ATG10: variants seen among roughly 807,000 people sequenced by gnomAD.
ATG10 encodes the protein autophagy related 10.
Under a neutral mutation model 32.1 loss-of-function variants are expected in ATG10, and 30 were observed. The ratio of observed to expected loss-of-function variants is 0.94; its 90% CI spans 0.70 to 1.27. The LOEUF is 1.27. ATG10 is among the 50% of genes most tolerant of loss of function. ATG10 has a pLI of 0.00. For synonymous variants in ATG10, 87 were observed against 91.5 expected (o/e 0.95, Z 0.28); for missense variants, 233 against 262.3 (o/e 0.89, Z 0.77).
At chr5:81,990,235 A>C (rs1459536400) in intron 2 of ATG10, among the ~76,000 whole-genome samples, 2 of 152,160 alleles carry the variant, frequency 1.3e-5, no homozygotes, top group African/African-American at 4.8e-5. Context: ...TTGGTTGTTT[A>C]TTCATTGAAT....
At chr5:81,999,436 A>G (rs1025105426) in intron 2 of ATG10, among the ~76,000 whole-genome samples, 3 of 152,126 alleles carry the variant, frequency 2.0e-5, no homozygotes, top group African/African-American at 7.2e-5. Context: ...AGTTAGAAAG[A>G]TCTCAAATAA....
At chr5:82,192,715 T>G (rs1229624802) in intron 5 of ATG10, among the ~76,000 whole-genome samples, 2 of 152,206 alleles carry the variant, frequency 1.3e-5, no homozygotes, top group African/African-American at 2.4e-5. Context: ...TTATTATCAT[T>G]AATCCATAAA....
In ATG10 at chr5:82,201,943, G is replaced by A. The variant is rs150872717; in HGVS notation, c.453+23356G>A. Among the ~76,000 whole-genome samples, 117 of 152,126 alleles carry A rather than the reference G, an allele frequency of 7.7e-4. 1 individual carries two copies. Among genetic ancestry groups the A allele is most frequent in the African/African-American group, 2.6e-3 (109 of 41,510 alleles). Reference sequence around the variant, plus strand: ...TTCAAATTCTAGTTGTTTATTGCTCGTATATAGAAATACAATTAATTTTTG... The same window carrying A: ...TTCAAATTCTAGTTGTTTATTGCTCATATATAGAAATACAATTAATTTTTG... On this transcript the variant is annotated intron_variant, in intron 5 of 7. Coordinates refer to ENST00000282185, the MANE Select transcript of ATG10 (RefSeq NM_031482.5).
At chr5:82,204,253 A>G (rs1239930988) in intron 5 of ATG10, among the ~76,000 whole-genome samples, 1 of 152,162 alleles carries the variant, frequency 6.6e-6, no homozygotes, top group African/African-American at 2.4e-5. Flanking sequence ...TTTTATTCTT[A>G]TACATTGATT....
At chr5:82,216,462 T>C (rs1745683578) in intron 5 of ATG10, among the ~76,000 whole-genome samples, 1 of 152,258 alleles carries the variant, frequency 6.6e-6, no homozygotes, top group Non-Finnish European at 1.5e-5. Flanking sequence ...TGGATTTTGA[T>C]GTTCTGATAT....
intron 5 of ATG10, among the ~76,000 whole-genome samples, chr5:82,213,027 A>AT (rs1745551660): frequency 6.6e-6 from 1 of 152,130 alleles, no homozygotes; most frequent in South Asian, 2.1e-4. Flanking sequence ...AATAGGATTG[A>AT]TTTTTTTCCT....
At chr5:82,010,987 T>C (rs553084225) in intron 2 of ATG10, among the ~76,000 whole-genome samples, 3 of 152,238 alleles carry the variant, frequency 2.0e-5, no homozygotes, top group Admixed American at 6.5e-5. Context: ...CTTGTCCAAC[T>C]TGGAGCTAAA....
At chr5:82,016,956 C>T (rs1762303667) in intron 2 of ATG10, among the ~76,000 whole-genome samples, 1 of 152,130 alleles carries the variant, frequency 6.6e-6, no homozygotes, top group African/African-American at 2.4e-5. Context: ...TCCCACAGTG[C>T]CTGGATTACA....
At chr5:82,015,694 T>C (rs1463711783) in intron 2 of ATG10, among the ~76,000 whole-genome samples, 1 of 152,240 alleles carries the variant, frequency 6.6e-6, no homozygotes, top group Non-Finnish European at 1.5e-5. Flanking sequence ...ATTTAAGTAC[T>C]TCTCTACATT....
intron 5 of ATG10, among the ~76,000 whole-genome samples, chr5:82,212,302 C>T (rs1745525128): frequency 6.6e-6 from 1 of 152,188 alleles, no homozygotes; most frequent in Admixed American, 6.5e-5. Flanking sequence ...TGCCAGCTCC[C>T]TCCCTTGTGC....
At chr5:82,125,656 A>G (rs1052103861) in intron 3 of ATG10, among the ~76,000 whole-genome samples, 2 of 152,172 alleles carry the variant, frequency 1.3e-5, no homozygotes, top group African/African-American at 4.8e-5. Flanking sequence ...TACAAGTACC[A>G]TACTGTTGTA....
rs554799407 is a variant in ATG10, at chr5:82,052,855, C to T, written c.109-5640C>T. On this transcript the variant is annotated intron_variant, in intron 2 of 7. Transcript: ENST00000282185. The stretch of plus-strand genomic sequence containing the variant: ...GTTACATACTATCCCATTATTTGGA[C>T]ATAAAATAATTTATTTAGCCAATCT... 1.1e-3 allele frequency among the ~76,000 whole-genome samples: 174 copies of T among 152,222 alleles called. 2 individuals are homozygous for T. The highest frequency in any genetic ancestry group is 2.3e-3 in the Admixed American group (35 of 15,272).
At chr5:82,093,533 G>T (rs1413205309) in intron 3 of ATG10, among the ~76,000 whole-genome samples, 2 of 152,036 alleles carry the variant, frequency 1.3e-5, no homozygotes, top group African/African-American at 4.8e-5. Flanking sequence ...GTCAAATCTG[G>T]TCTACCACCT....
At chr5:82,128,772 T>TC (rs1766388099) in intron 3 of ATG10, among the ~76,000 whole-genome samples, 1 of 149,018 alleles carries the variant, frequency 6.7e-6, no homozygotes, top group Non-Finnish European at 1.5e-5. Context: ...CCGACCTTTC[T>TC]CTCTGGCTGC....
chr5:82,034,901 T>A (rs903511365), intron 2 of ATG10, among the ~76,000 whole-genome samples: 18 of 152,122 alleles, frequency 1.2e-4, no homozygotes, highest in Admixed American at 3.3e-4. Flanking sequence ...GATTTATTCA[T>A]TTATTTGTTT....
chr5:82,218,848 T>G (rs1373914726), intron 5 of ATG10, among the ~76,000 whole-genome samples: 1 of 152,228 alleles, frequency 6.6e-6, no homozygotes, highest in Non-Finnish European at 1.5e-5. Context: ...CTTAAATCAT[T>G]AAGACTCTGT....
chr5:82,208,745 C>A (rs1348732951), intron 5 of ATG10, among the ~76,000 whole-genome samples: 4 of 152,184 alleles, frequency 2.6e-5, no homozygotes, highest in African/African-American at 9.7e-5. Flanking sequence ...TTAAAAAGAT[C>A]AAATGCTTTA....
chr5:82,163,678 A>G (rs1379543267), intron 3 of ATG10, among the ~76,000 whole-genome samples: 1 of 152,166 alleles, frequency 6.6e-6, no homozygotes, highest in Non-Finnish European at 1.5e-5. Flanking sequence ...AGTAAGGTAC[A>G]TTCTTTTAAA....
chr5:82,250,993 G>GA (rs1253345030), intron 5 of ATG10, among the ~76,000 whole-genome samples: 1 of 152,232 alleles, frequency 6.6e-6, no homozygotes, highest in African/African-American at 2.4e-5. Context: ...CTGTAGAGAG[G>GA]AAGCTGATGC....
Sources: allele counts gnomAD v4.1 joint callset (sites outside exome capture counted in the v4.1 genomes callset), GRCh38; gene constraint gnomAD v4.1.1; transcripts MANE v1.5; gene names NCBI Gene and HGNC (gene_info 2026-07-23, HGNC 2026-07-21).